Variants in CFAP61 observed in about 807,000 individuals in gnomAD.
CFAP61 encodes the protein cilia and flagella associated protein 61, also known as cilia- and flagella-associated protein 61.
In CFAP61, 107 loss-of-function variants were observed where a neutral mutation model predicts 135.6. The ratio of observed to expected loss-of-function variants is 0.79; its 90% confidence interval spans 0.67 to 0.93. The LOEUF is 0.93. Ranked by LOEUF, CFAP61 falls within the 40% of genes least tolerant of loss-of-function variation. The pLI is 0.00. For missense variants in CFAP61, 1,507 were observed against 1,556.2 expected, an observed-to-expected ratio of 0.97 and a Z score of 0.53; for synonymous variants, 575 against 578.5, an observed-to-expected ratio of 0.99 and a Z score of 0.09.
Position 20,360,272 on chromosome 20 carries a change from G to A in CFAP61, c.3576G>A (p.Pro1192=). 4 of 1,613,876 alleles carry A rather than the reference G, an allele frequency of 2.5e-6. No homozygotes were observed. The highest frequency in any genetic ancestry group is 2.2e-5 in the East Asian group (1 of 44,876). The change falls in exon 27 of 27, where the codon CCG becomes CCA. Residue 1192 remains proline (P), a synonymous_variant. Coordinates refer to ENST00000245957, the MANE Select transcript of CFAP61 (RefSeq NM_015585.4). ...AHQIEDEEIN[P]TEKPRQYLKR... is the part of the protein sequence containing the mutation. ...AAATAGAAGATGAGGAAATCAACCC[G>A]ACTGAGAAGCCCAGGCAATACCTCA... is the stretch of plus-strand genomic sequence containing the variant.
intron 26 of CFAP61, among the ~76,000 whole-genome samples, chr20:20,353,243 T>C (rs1012415445): frequency 6.6e-6 from 1 of 151,954 alleles, no homozygotes; most frequent in Non-Finnish European, 1.5e-5. Context: ...TACACTGGAG[T>C]TCAAAGATCA....
intron 25 of CFAP61, among the ~76,000 whole-genome samples, chr20:20,305,512 G>A (rs975960053): frequency 6.6e-6 from 1 of 152,176 alleles, no homozygotes; most frequent in African/African-American, 2.4e-5. Flanking sequence ...GCCCACTCCA[G>A]CTTCTCAATT....
At position 20,138,230 on chromosome 20, in the gene CFAP61, G is replaced by A. The variant is rs572519379; in HGVS notation, c.860-4627G>A. ...AGATGCGGTGCCTGGGATTAGGGGA[G>A]GGGTAACGCAAGCACTCTTTTAGCA... On this transcript the variant is annotated intron_variant, in intron 8 of 26. Transcript: ENST00000245957. Among the ~76,000 whole-genome samples, 39 of 152,316 alleles carry A rather than the reference G, an allele frequency of 2.6e-4. 1 individual carries two copies. In the South Asian group the frequency reaches 8.1e-3, roughly 32 times the overall value.
intron 26 of CFAP61, among the ~76,000 whole-genome samples, chr20:20,342,985 C>T (rs2058500433): frequency 6.6e-6 from 1 of 152,008 alleles, no homozygotes; most frequent in African/African-American, 2.4e-5. Flanking sequence ...CTCAGCCTCC[C>T]GAGTAGCTGG....
chr20:20,163,945 C>T lies in CFAP61; in HGVS notation c.1027-105C>T, dbSNP rs189770476. On this transcript the variant is annotated intron_variant, in intron 10 of 26. Transcript: ENST00000245957. ...TGAGTTGTTTCGGGTGACAGTCACA[C>T]CTGTCCTCAGAACGGTGTCATGTAG... The T allele has an allele frequency of 8.3e-5, 74 of 892,314 alleles. No homozygotes were observed. The African/African-American group carries it at 9.8e-4, about 12-fold the overall frequency. 55.3% of individuals were successfully genotyped at this position (892,314 alleles called of 1,614,324 possible).
Position 20,265,618 on chromosome 20 carries a change from C to G in CFAP61, c.2503+2488C>G, listed in dbSNP as rs1428778367. On this transcript the variant is annotated intron_variant, in intron 21 of 26. Coordinates refer to ENST00000245957, the MANE Select transcript of CFAP61 (RefSeq NM_015585.4). ...ATGTGGAAATTAGTTTCCTGTCTTA[C>G]ATGTAGGTGATTTTCTCCAGGTCTG... 7.2e-6 allele frequency: 5 copies of G among 693,734 alleles called. No homozygotes were observed. In the African/African-American group the frequency reaches 8.8e-5, roughly 12 times the overall value. The allele number at this position is 693,734 out of a possible 1,614,324, so 43.0% of individuals were successfully genotyped here.
At chr20:20,350,368 C>G (rs2058788265) in intron 26 of CFAP61, among the ~76,000 whole-genome samples, 1 of 152,208 alleles carries the variant, frequency 6.6e-6, no homozygotes, top group Non-Finnish European at 1.5e-5. Context: ...GTGGTTCACA[C>G]CTGTAATCCC....
At chr20:20,055,913 A>T in intron 1 of CFAP61, 1 of 1,496,466 alleles carries the variant, frequency 6.7e-7, no homozygotes, top group Non-Finnish European at 9.3e-7. Flanking sequence ...AAATTGAGAC[A>T]ATGAGAGAGA....
At position 20,352,896 on chromosome 20, in the gene CFAP61, A is replaced by G. The variant is rs185832880; in HGVS notation, c.3514-7314A>G. On this transcript the variant is annotated intron_variant, in intron 26 of 26. Transcript: ENST00000245957. Reference sequence around the variant, plus strand: ...GCAAAGAAAACAACAGAGTGAAGAGACAGCCCACAGACTGGGAGAAAATAT... The same window carrying G: ...GCAAAGAAAACAACAGAGTGAAGAGGCAGCCCACAGACTGGGAGAAAATAT... Among the ~76,000 whole-genome samples the G allele has an allele frequency of 2.0e-4, 31 of 152,314 alleles. No individual in the cohort carries two copies. The East Asian group carries it at 5.8e-3, about 28-fold the overall frequency.
chr20:20,125,781 G>T (rs921402328), intron 8 of CFAP61, among the ~76,000 whole-genome samples: 1 of 151,586 alleles, frequency 6.6e-6, no homozygotes, highest in African/African-American at 2.4e-5. Flanking sequence ...TTGACTTTTT[G>T]TCTTGATGAC....
intron 7 of CFAP61, among the ~76,000 whole-genome samples, chr20:20,092,681 CTT>C (rs1277571802): frequency 1.1e-5 from 1 of 94,644 alleles, no homozygotes; most frequent in African/African-American, 4.1e-5. Flanking sequence ...CGAATAGACA[CTT>C]TTAAAAAAAA....
intron 21 of CFAP61, among the ~76,000 whole-genome samples, chr20:20,263,813 G>A (rs1401856978): frequency 6.6e-6 from 1 of 152,072 alleles, no homozygotes; most frequent in Non-Finnish European, 1.5e-5. Flanking sequence ...ACTTAGAGCA[G>A]CCCCTTTCTT....
At chr20:20,296,133 T>G (rs1032339713) in intron 24 of CFAP61, among the ~76,000 whole-genome samples, 1 of 23,044 alleles carries the variant, frequency 4.3e-5, no homozygotes, top group Non-Finnish European at 7.8e-5. Flanking sequence ...CTTCCTTCCT[T>G]CCTCCCTCCC....
intron 25 of CFAP61, among the ~76,000 whole-genome samples, chr20:20,299,276 C>T (rs2055882884): frequency 6.6e-6 from 1 of 152,182 alleles, no homozygotes; most frequent in African/African-American, 2.4e-5. Flanking sequence ...CTTAACTTAG[C>T]AGTCAGGAAG....
At chr20:20,282,010 T>C (rs372774085) in intron 22 of CFAP61, among the ~76,000 whole-genome samples, 102 of 152,240 alleles carry the variant, frequency 6.7e-4, no homozygotes, top group African/African-American at 2.2e-3. Context: ...AAGAAATTTG[T>C]CCATTTCATT....
At chr20:20,291,876 T>C (rs1460065501) in intron 24 of CFAP61, among the ~76,000 whole-genome samples, 1 of 152,252 alleles carries the variant, frequency 6.6e-6, no homozygotes, top group East Asian at 1.9e-4. Flanking sequence ...TTTTAATCAA[T>C]GAGGCAGATT....
intron 6 of CFAP61, among the ~76,000 whole-genome samples, chr20:20,081,008 A>T (rs1414020889): frequency 6.6e-6 from 1 of 152,136 alleles, no homozygotes; most frequent in African/African-American, 2.4e-5. Flanking sequence ...CTCAAAAAAA[A>T]AAAGAAAAGA....
At chr20:20,145,320 C>T (rs2051786529) in intron 9 of CFAP61, among the ~76,000 whole-genome samples, 1 of 152,062 alleles carries the variant, frequency 6.6e-6, no homozygotes, top group African/African-American at 2.4e-5. Context: ...TATAATATCA[C>T]CTAATGACAG....
At chr20:20,059,462 C>G (rs1426227362) in intron 2 of CFAP61, among the ~76,000 whole-genome samples, 1 of 143,066 alleles carries the variant, frequency 7.0e-6, no homozygotes, top group Non-Finnish European at 1.5e-5. Context: ...ACCAAAAATA[C>G]AAAAAATTAG....
Sources: allele counts gnomAD v4.1 joint callset (sites outside exome capture counted in the v4.1 genomes callset), GRCh38; gene constraint gnomAD v4.1.1; transcripts MANE v1.5; gene names NCBI Gene and HGNC (gene_info 2026-07-23, HGNC 2026-07-21).